The following SCN11A variants were observed in gnomAD, a reference collection of about 807,000 sequenced individuals.
SCN11A encodes sodium voltage-gated channel alpha subunit 11, also known as sodium channel protein type 11 subunit alpha.
SCN11A carries 122 observed loss-of-function variants against 162.2 expected under a neutral mutation model. That is an observed-to-expected ratio of 0.75 (90% CI 0.65 to 0.87). The LOEUF is 0.87. Ranked by LOEUF, SCN11A falls within the 40% of genes least tolerant of loss-of-function variation. The probability of loss-of-function intolerance (pLI) is 0.00; values close to 1 mark genes in which losing one functional copy is unlikely to be tolerated. For missense variants in SCN11A, 2,015 were observed against 2,181.6 expected (o/e 0.92, Z 1.52); for synonymous variants, 758 against 751.5 (o/e 1.01, Z -0.14).
intron 2 of SCN11A, among the ~76,000 whole-genome samples, chr3:38,991,185 A>G (rs2030442424): frequency 6.6e-6 from 1 of 152,160 alleles, no homozygotes; most frequent in Non-Finnish European, 1.5e-5. Context: ...ACAACTAAAT[A>G]TTGTTTTATA....
intron 1 of SCN11A, among the ~76,000 whole-genome samples, chr3:39,032,893 T>A (rs2031797030): frequency 1.3e-5 from 2 of 152,322 alleles, no homozygotes; most frequent in South Asian, 4.1e-4. Flanking sequence ...GGCTCATGCC[T>A]ACAATCCCAA....
At chr3:38,959,820 T>C (rs1247245410) in intron 3 of SCN11A, among the ~76,000 whole-genome samples, 1 of 152,240 alleles carries the variant, frequency 6.6e-6, no homozygotes, top group Admixed American at 6.5e-5. Context: ...ATGAAATTGA[T>C]CTCAATTCAA....
chr3:38,914,359 A>G (rs1378444462), intron 11 of SCN11A, among the ~76,000 whole-genome samples: 1 of 152,128 alleles, frequency 6.6e-6, no homozygotes, highest in African/African-American at 2.4e-5. Flanking sequence ...ACTTTGCTGA[A>G]GTTGTTTATC....
chr3:38,955,408 T>G (rs910158564), intron 3 of SCN11A, among the ~76,000 whole-genome samples: 1 of 152,226 alleles, frequency 6.6e-6, no homozygotes, highest in Admixed American at 6.5e-5. Flanking sequence ...GCAGTAAAAT[T>G]TCCTTATTAA....
rs1372278814 is a variant in SCN11A, at chr3:38,847,443, A to T, written c.4627T>A (p.Cys1543Ser). ...GCTGATGTGCTTATCTGGAAGAGAC[A>T]GAGCATGCTGCTGGCAAAAGTCTTG... ...NFKTFASSMLCLFQISTSAGW... is the reference protein window; with the variant it reads ...NFKTFASSMLSLFQISTSAGW... The change falls in exon 30 of 30, where the codon TGT (cysteine) becomes AGT (serine). Residue 1543 changes from cysteine to serine, a missense_variant. Physicochemically the swap from Cys to Ser is moderately radical, Grantham distance 112. Coordinates refer to ENST00000302328, the MANE Select transcript of SCN11A (RefSeq NM_001349253.2). 6.2e-7 allele frequency: 1 copy of T among 1,614,242 alleles called. No homozygotes were observed. Among genetic ancestry groups the T allele is most frequent in the Admixed American group, 1.7e-5 (1 of 60,032 alleles).
intron 2 of SCN11A, among the ~76,000 whole-genome samples, chr3:38,962,967 A>T (rs192234686): frequency 1.5e-3 from 235 of 152,184 alleles, no homozygotes; most frequent in Middle Eastern, 3.4e-3. Context: ...ATCACTAATG[A>T]TCAGAAAAAA....
In SCN11A at chr3:39,043,681, G is replaced by A. The variant is rs575088399; in HGVS notation, c.-404+8180C>T. Among the ~76,000 whole-genome samples, 3 of 151,126 alleles carry A rather than the reference G, an allele frequency of 2.0e-5. No individual in the cohort carries two copies. In the East Asian group the frequency reaches 5.9e-4, roughly 30 times the overall value. ...GAATGGTTACCAGAAACTGGGAAGG[G>A]TAGTTGGGGGTGGGTGGTGGGGAGG... On this transcript the variant is annotated intron_variant, in intron 1 of 29. Transcript: ENST00000302328.
In SCN11A at chr3:38,885,329, T is replaced by A; in HGVS notation, c.3023A>T (p.Glu1008Val). Residue 1008 changes from glutamate to valine, a missense_variant, in exon 21 of 30, where the codon GAG (glutamate) becomes GTG (valine). Transcript: ENST00000302328. ...CTCTGGTTGCTTTTTGGGAACCATC[T>A]CAGGTAACCATCCAAAGCCATCCTG... Reference protein sequence around the residue: ...DLQDGFGWLPEMVPKKQPERC... With the variant: ...DLQDGFGWLPVMVPKKQPERC... 6.2e-7 allele frequency: 1 copy of A among 1,613,548 alleles called. No homozygotes were observed. The highest frequency in any genetic ancestry group is 2.2e-5 in the East Asian group (1 of 44,882).
At position 38,863,255 on chromosome 3, in the gene SCN11A, G is replaced by A. The variant is rs755333078; in HGVS notation, c.3996C>T (p.Tyr1332=). Residue 1332 remains tyrosine (Y), a synonymous_variant, in exon 28 of 30, where the codon TAC becomes TAT. Transcript: ENST00000302328. ...DIFMTEEQKK[Y]YNAMKKLGSK... ...ATCCTAATTTTTTCATTGCATTATAGTATTTCTTCTGTTCTTCTGTCATAA... is the reference window on the plus strand; with the variant it reads ...ATCCTAATTTTTTCATTGCATTATAATATTTCTTCTGTTCTTCTGTCATAA... 3 of 1,607,812 alleles carry A rather than the reference G, an allele frequency of 1.9e-6. No homozygotes were observed. The highest frequency in any genetic ancestry group is 2.6e-6 in the Non-Finnish European group (3 of 1,174,978).
intron 2 of SCN11A, among the ~76,000 whole-genome samples, chr3:39,024,580 T>C (rs2031538373): frequency 6.6e-6 from 1 of 152,188 alleles, no homozygotes; most frequent in Non-Finnish European, 1.5e-5. Context: ...CAGAACCCCT[T>C]TACCCCAAAG....
At chr3:38,882,924 T>C (rs2065333032) in intron 22 of SCN11A, among the ~76,000 whole-genome samples, 1 of 152,166 alleles carries the variant, frequency 6.6e-6, no homozygotes, top group Non-Finnish European at 1.5e-5. Context: ...CTATGTAGGA[T>C]ACAGTGAAAA....
At position 39,041,077 on chromosome 3, in the gene SCN11A, G is replaced by A. The variant is rs528743701; in HGVS notation, c.-403-8574C>T. ...GGCCTGGGCGAAAGAGCAAGACTCT[G>A]TCTCAAAAAAGAAAAACAAAAGGAA... On this transcript the variant is annotated intron_variant, in intron 1 of 29. Transcript: ENST00000302328. Among the ~76,000 whole-genome samples the A allele has an allele frequency of 5.3e-5, 8 of 152,204 alleles. No homozygotes were observed. In the South Asian group the frequency reaches 1.5e-3, roughly 28 times the overall value.
At position 39,045,287 on chromosome 3, in the gene SCN11A, T is replaced by G. The variant is rs538163881; in HGVS notation, c.-404+6574A>C. 8.6e-4 allele frequency among the ~76,000 whole-genome samples: 131 copies of G among 152,254 alleles called. 1 individual carries two copies. The South Asian group carries it at 0.019, about 22-fold the overall frequency. On this transcript the variant is annotated intron_variant, in intron 1 of 29. Transcript: ENST00000302328. ...AGGGGAGGGAATTCTTCCAAACTCA[T>G]TCTACAACCCCAACACTACCCTAAT... is the stretch of plus-strand genomic sequence containing the variant.
At chr3:38,972,624 A>C (rs1447426485) in intron 2 of SCN11A, among the ~76,000 whole-genome samples, 2 of 152,086 alleles carry the variant, frequency 1.3e-5, no homozygotes, top group Non-Finnish European at 2.9e-5. Flanking sequence ...ACACACACAC[A>C]CGCACACACT....
intron 11 of SCN11A, among the ~76,000 whole-genome samples, chr3:38,915,881 G>C (rs539602634): frequency 6.6e-6 from 1 of 152,120 alleles, no homozygotes; most frequent in Non-Finnish European, 1.5e-5. Flanking sequence ...CCAGTGATCT[G>C]TCTAATACTG....
chr3:38,871,847 C>T (rs964135079), intron 24 of SCN11A, 139 bp from the exon 25 acceptor site: 1 of 715,302 alleles, frequency 1.4e-6, no homozygotes, highest in African/African-American at 1.8e-5. Flanking sequence ...TGTGCCCCAT[C>T]CCCATGACAA....
chr3:39,020,175 G>C (rs1214469868), intron 2 of SCN11A, among the ~76,000 whole-genome samples: 1 of 152,114 alleles, frequency 6.6e-6, no homozygotes, highest in Non-Finnish European at 1.5e-5. Context: ...TAAGTATCTG[G>C]GAAGCCTTAG....
chr3:38,946,529 C>G (rs1404793963), intron 6 of SCN11A, among the ~76,000 whole-genome samples: 1 of 152,230 alleles, frequency 6.6e-6, no homozygotes, highest in Non-Finnish European at 1.5e-5. Flanking sequence ...GTGCCTCTCC[C>G]TGCTACCACT....
intron 1 of SCN11A, among the ~76,000 whole-genome samples, chr3:39,039,005 T>C (rs1390474002): frequency 2.0e-5 from 3 of 152,236 alleles, no homozygotes; most frequent in African/African-American, 7.2e-5. Flanking sequence ...GGTAGATCTA[T>C]CTGTTTAAAG....
Sources: allele counts gnomAD v4.1 joint callset (sites outside exome capture counted in the v4.1 genomes callset), GRCh38; gene constraint gnomAD v4.1.1; transcripts MANE v1.5; gene names NCBI Gene and HGNC (gene_info 2026-07-23, HGNC 2026-07-21).